The following ZNF446 variants were observed in gnomAD, a reference collection of about 807,000 sequenced individuals.
ZNF446 encodes the protein zinc finger protein with KRAB and SCAN domains 20.
A neutral mutation model predicts 34.0 loss-of-function variants in ZNF446; 42 were observed. The observed-to-expected ratio is 1.23, with a 90% CI of 0.96 to 1.60. The LOEUF is 1.60. Ranked by LOEUF, ZNF446 falls within the 40% of genes most tolerant of loss-of-function variation. The probability of loss-of-function intolerance (pLI) is 0.00; values close to 1 mark genes in which losing one functional copy is unlikely to be tolerated. For missense variants in ZNF446, 650 were observed against 600.2 expected, an observed-to-expected ratio of 1.08 and a Z score of -0.87; for synonymous variants, 315 against 251.0, an observed-to-expected ratio of 1.25 and a Z score of -2.41.
rs560731376 is a variant in ZNF446, at chr19:58,477,730, T to C, written c.436T>C (p.Ser146Pro). ...CCCCCACCCCTCAGGGACAGTGGAG[T>C]CCCCTGGGGAAGGTCCCCAGGACAC... is the stretch of plus-strand genomic sequence containing the variant. ...GSPHPSGTVE[S>P]PGEGPQDTRI... The change falls in exon 3 of 7, where the codon TCC becomes CCC. Residue 146 changes from serine (S) to proline (P), a missense_variant. Ser to Pro is a moderately conservative substitution (Grantham distance 74). Transcript: ENST00000594369. 18 of 1,613,286 alleles carry C rather than the reference T, an allele frequency of 1.1e-5. No individual in the cohort carries two copies. The East Asian group carries it at 4.0e-4, about 36-fold the overall frequency.
chr19:58,481,566 C>T (rs1449576883), downstream of ZNF446, among the ~76,000 whole-genome samples: 5 of 152,210 alleles, frequency 3.3e-5, no homozygotes, highest in South Asian at 2.1e-4. Flanking sequence ...GGTCAGGCCG[C>T]ACCCTCCATA....
chr19:58,482,160 C>A (rs2053145062), downstream of ZNF446, among the ~76,000 whole-genome samples: 1 of 152,122 alleles, frequency 6.6e-6, no homozygotes, highest in South Asian at 2.1e-4. Flanking sequence ...CATTTTGTTG[C>A]CTTTTCCAGC....
At chr19:58,477,145 C>T (rs2053093494) in intron 1 of ZNF446, 34 bp from the exon 2 acceptor site, 1 of 1,365,086 alleles carries the variant, frequency 7.3e-7, no homozygotes, top group East Asian at 2.3e-5. Flanking sequence ...GCCAGATTCT[C>T]TTGGCTGACA....
chr19:58,484,015 A>G (rs913194672), downstream of ZNF446, among the ~76,000 whole-genome samples: 8 of 152,326 alleles, frequency 5.3e-5, no homozygotes, highest in Admixed American at 4.6e-4. Context: ...TCTGTAGTAT[A>G]AATTTCTCAA....
rs766365284 is a variant in ZNF446 at position 58,480,345 on chromosome 19, G to C, written c.972G>C (p.Pro324=). 1 of 1,597,966 alleles carries C rather than the reference G, an allele frequency of 6.3e-7. No homozygotes were observed. ...QPTPAETRLE[P]AATPRKPYTC... is the part of the protein sequence containing the mutation. Reference sequence around the variant, plus strand: ...CACCTGCAGAGACGAGACTGGAGCCGGCTGCCACCCCCAGGAAGCCCTACA... The same window carrying C: ...CACCTGCAGAGACGAGACTGGAGCCCGCTGCCACCCCCAGGAAGCCCTACA... The change falls in exon 7 of 7, where the codon CCG becomes CCC. Residue 324 remains proline, a synonymous_variant. Transcript: ENST00000594369. This position sits in a 1 kb window ranked among gnomAD's most constrained non-coding sequence, Gnocchi z 7.2.
the ZNF446 span, among the ~76,000 whole-genome samples, chr19:58,486,406 T>TTTTG: frequency 2.0e-5 from 3 of 149,380 alleles, no homozygotes; most frequent in Non-Finnish European, 3.0e-5. Context: ...AACTTTCAGT[T>TTTTG]TTTGTTTGTT....
chr19:58,482,122 C>T (rs965937140), downstream of ZNF446, among the ~76,000 whole-genome samples: 1 of 152,150 alleles, frequency 6.6e-6, no homozygotes, highest in Admixed American at 6.5e-5. Context: ...GGACTGGTTC[C>T]TCTTGAAGGC....
chr19:58,476,799 C>T (rs1055943753), intron 1 of ZNF446, among the ~76,000 whole-genome samples: 3 of 152,106 alleles, frequency 2.0e-5, no homozygotes, highest in Admixed American at 6.5e-5. Flanking sequence ...ACCCGCCCAC[C>T]CTGGTCCACT....
Position 58,476,912 on chromosome 19 carries a change from C to T in ZNF446, c.-40-267C>T, listed in dbSNP as rs146818422. On this transcript the variant is annotated intron_variant, in intron 1 of 6. Transcript: ENST00000594369. ...TTTAGCGTCATCTCCCAGCAGTCCC[C>T]TGCTGGACCCAACTGTTTGCAATTT... Among the ~76,000 whole-genome samples the T allele has an allele frequency of 2.1e-3, 319 of 152,282 alleles. 1 individual carries two copies. The highest frequency in any genetic ancestry group is 7.2e-3 in the African/African-American group (298 of 41,554).
At chr19:58,489,163 G>A in the ZNF446 span, among the ~76,000 whole-genome samples, 2 of 152,184 alleles carry the variant, frequency 1.3e-5, no homozygotes, top group African/African-American at 4.8e-5. Context: ...GGGACCAGAT[G>A]GCCTTTGTAG....
intron 4 of ZNF446, 108 bp downstream of exon 4, chr19:58,478,289 G>A: frequency 2.0e-6 from 2 of 1,019,726 alleles, no homozygotes; most frequent in Non-Finnish European, 2.9e-6. Flanking sequence ...GTGGCTCTTT[G>A]CTTCCCAGAA....
chr19:58,477,919 G>T, intron 3 of ZNF446, 93 bp downstream of exon 3: 2 of 1,378,228 alleles, frequency 1.5e-6, no homozygotes. Context: ...GTGTGTCAAG[G>T]CTGGGACTCC....
Position 58,479,991 on chromosome 19 carries a change from G to A in ZNF446, c.774G>A (p.Gly258=), listed in dbSNP as rs775024226. The change falls in exon 6 of 7, where the codon GGG becomes GGA. Residue 258 remains glycine (G), a synonymous_variant. Transcript: ENST00000594369. ...CAGAGCTGGGGATGCTGCTCACGGG[G>A]ACAGGCGTCTGCAGAAGCCTGCGCT... The part of the protein sequence containing the change: ...AQSELGMLLT[G]TGVCRSLRSG... 1.3e-6 allele frequency: 2 copies of A among 1,590,436 alleles called. No individual in the cohort carries two copies. Among genetic ancestry groups the A allele is most frequent in the African/African-American group, 1.3e-5 (1 of 74,668 alleles).
In ZNF446 at chr19:58,478,528, G is replaced by A. The variant is rs1010886648; in HGVS notation, c.627+347G>A. The stretch of plus-strand genomic sequence containing the variant: ...AAGATACAAAAATTAGCCAGAAGTG[G>A]TGGCAGGCGCCTGTAATCCCAGCTA... On this transcript the variant is annotated intron_variant, in intron 4 of 6. Transcript: ENST00000594369. 1.4e-4 allele frequency among the ~76,000 whole-genome samples: 21 copies of A among 152,214 alleles called. 1 individual carries two copies. Among genetic ancestry groups the A allele is most frequent in the Middle Eastern group, 3.4e-3 (1 of 294 alleles).
At position 58,481,033 on chromosome 19, in the gene ZNF446, G is replaced by T; in HGVS notation, c.*307G>T. The T allele has an allele frequency of 2.5e-6, 1 of 399,548 alleles. No homozygotes were observed. Among genetic ancestry groups the T allele is most frequent in the Non-Finnish European group, 4.6e-6 (1 of 217,340 alleles). The allele number at this position is 399,548 out of a possible 1,614,324, so 24.8% of individuals were successfully genotyped here. On this transcript the variant is annotated 3_prime_UTR_variant, in exon 7 of 7. Coordinates refer to ENST00000594369, the MANE Select transcript of ZNF446 (RefSeq NM_017908.4). ...CCCTCCCTGTGACATGGCCTGGGCT[G>T]ACAACACTCCCTCTCCTGGGACCTC...
rs1415355558 is a variant in ZNF446 at position 58,481,218 on chromosome 19, C to T, written c.*492C>T. 3 of 157,606 alleles carry T rather than the reference C, an allele frequency of 1.9e-5. No individual in the cohort carries two copies. Among genetic ancestry groups the T allele is most frequent in the Non-Finnish European group, 4.2e-5 (3 of 71,468 alleles). 9.8% of individuals were successfully genotyped at this position (157,606 alleles called of 1,614,324 possible). ...TGTGTTAGAATTTTAACATAAATTC[C>T]ACTTTCATAATATGGAGTTTCTGAA... is the stretch of plus-strand genomic sequence containing the variant. On this transcript the variant is annotated 3_prime_UTR_variant, in exon 7 of 7. Transcript: ENST00000594369.
At chr19:58,479,762 C>T in intron 5 of ZNF446, 35 bp downstream of exon 5, 2 of 1,591,552 alleles carry the variant, frequency 1.3e-6, no homozygotes, top group Middle Eastern at 1.7e-4. Flanking sequence ...GCCCCTCTCC[C>T]TGGGGCCTGC....
intron 4 of ZNF446, among the ~76,000 whole-genome samples, chr19:58,478,537 G>A (rs772241484): frequency 1.8e-4 from 28 of 152,130 alleles, no homozygotes; most frequent in Admixed American, 1.0e-3. Context: ...GGTGGCAGGC[G>A]CCTGTAATCC....
chr19:58,485,364 G>T (rs1243644579), downstream of ZNF446, among the ~76,000 whole-genome samples: 1 of 151,006 alleles, frequency 6.6e-6, no homozygotes, highest in Non-Finnish European at 1.5e-5. Flanking sequence ...AAAAAAATTA[G>T]CCGGGTATAG....
Sources: gnomAD v4.1 joint callset for allele counts (sites outside exome capture counted in the v4.1 genomes callset) on GRCh38, gnomAD v4.1.1 for gene constraint, Gnocchi (gnomAD v3.1) non-coding constraint, MANE v1.5 for transcripts, NCBI Gene and HGNC (gene_info 2026-07-23, HGNC 2026-07-21) for gene names.